PRRC2C: variants seen among roughly 807,000 people sequenced by gnomAD.
The protein encoded by PRRC2C is proline rich coiled-coil 2C.
Under a neutral mutation model 317.2 loss-of-function variants are expected in PRRC2C, and 72 were observed. The ratio of observed to expected loss-of-function variants is 0.23; its 90% CI spans 0.19 to 0.28. The LOEUF (loss-of-function observed/expected upper bound fraction) is 0.28. Among genes scored for constraint, PRRC2C ranks in the 10% least tolerant of loss-of-function variants. The probability of loss-of-function intolerance (pLI) is 1.00; values close to 1 mark genes in which losing one functional copy is unlikely to be tolerated. For missense variants in PRRC2C, 3,074 were observed against 3,459.7 expected (o/e 0.89, Z 2.80); for synonymous variants, 1,296 against 1,205.9 (o/e 1.07, Z -1.55).
chr1:171,578,643 A>G (rs1042869864), intron 26 of PRRC2C, among the ~76,000 whole-genome samples: 1 of 152,198 alleles, frequency 6.6e-6, no homozygotes, highest in Non-Finnish European at 1.5e-5. Flanking sequence ...TGAGGCGGGC[A>G]GATCAGTTGA....
In PRRC2C at chr1:171,541,633, T is replaced by C. The variant is rs1253140419; in HGVS notation, c.4167T>C (p.Asp1389=). 2 of 1,613,624 alleles carry C rather than the reference T, an allele frequency of 1.2e-6. No homozygotes were observed. Among genetic ancestry groups the C allele is most frequent in the East Asian group, 2.2e-5 (1 of 44,868 alleles). Residue 1389 remains aspartate (D), a synonymous_variant, in exon 16 of 35, where the codon GAT becomes GAC. Coordinates refer to ENST00000647382, the MANE Select transcript of PRRC2C (RefSeq NM_001387844.1). This position sits in a 1 kb window ranked among gnomAD's most constrained non-coding sequence, Gnocchi z 4.1. ...PRQSEVPKPE[D]GEPPRRHEQF... is the part of the protein sequence containing the mutation. ...AGTCAGAAGTTCCTAAACCAGAAGA[T>C]GGAGAGCCGCCAAGAAGACATGAGC...
intron 34 of PRRC2C, chr1:171,591,061 T>G (rs1651311880): frequency 1.8e-6 from 1 of 568,794 alleles, no homozygotes; most frequent in Non-Finnish European, 2.2e-6. Context: ...ACTAAGAAAT[T>G]ATTTACCAGC....
At position 171,584,132 on chromosome 1, in the gene PRRC2C, T is replaced by G; in HGVS notation, c.7586T>G (p.Leu2529Arg). 6.2e-7 allele frequency: 1 copy of G among 1,614,006 alleles called. No homozygotes were observed. The highest frequency in any genetic ancestry group is 8.5e-7 in the Non-Finnish European group (1 of 1,179,876). Reference sequence around the variant, plus strand: ...ATTCCTATATTGTATGAACATCAACTGGGGCAGGCATCAGGACTAGGAGGT... The same window carrying G: ...ATTCCTATATTGTATGAACATCAACGGGGGCAGGCATCAGGACTAGGAGGT... ...QPIPILYEHQLGQASGLGGSQ... is the reference protein window; with the variant it reads ...QPIPILYEHQRGQASGLGGSQ... Residue 2529 changes from leucine (L) to arginine (R), a missense_variant, in exon 29 of 35, where the codon CTG becomes CGG. By Grantham distance (102) the Leu-to-Arg change is moderately radical. Around this residue, in one of 11 missense-constraint regions of PRRC2C, gnomAD observed 490 missense variants for 663.1 expected, o/e 0.74. Coordinates refer to ENST00000647382, the MANE Select transcript of PRRC2C (RefSeq NM_001387844.1).
chr1:171,487,565 TAAAACTA>T (rs1666356785), intron 1 of PRRC2C, among the ~76,000 whole-genome samples: 2 of 152,204 alleles, frequency 1.3e-5, no homozygotes, highest in South Asian at 4.1e-4. Context: ...AGAGATAACT[TAAAACTA>T]ACTCTACCAT....
intron 11 of PRRC2C, among the ~76,000 whole-genome samples, chr1:171,530,457 GC>G (rs1438706296): frequency 7.2e-5 from 11 of 151,830 alleles, no homozygotes; most frequent in African/African-American, 1.9e-4. Context: ...TGTTGCCCAG[GC>G]TAGTCTTGAA....
chr1:171,575,144 T>A lies in PRRC2C; in HGVS notation c.6955+16T>A, dbSNP rs745358325. 15 of 1,598,250 alleles carry A rather than the reference T, an allele frequency of 9.4e-6. No homozygotes were observed. In the East Asian group the frequency reaches 3.1e-4, roughly 33 times the overall value. On this transcript the variant is annotated intron_variant, in intron 25 of 34. Coordinates refer to ENST00000647382, the MANE Select transcript of PRRC2C (RefSeq NM_001387844.1). ...TCACTATCAGGTAGAACTTTTTCGTTCTGTTTCTTTAAATATCTTACATTA... is the reference window on the plus strand; with the variant it reads ...TCACTATCAGGTAGAACTTTTTCGTACTGTTTCTTTAAATATCTTACATTA...
At chr1:171,487,506 A>G (rs182883164) in intron 1 of PRRC2C, among the ~76,000 whole-genome samples, 205 of 152,288 alleles carry the variant, frequency 1.3e-3, no homozygotes, top group Admixed American at 2.5e-3. Flanking sequence ...TCCACTTTGG[A>G]CTTGGGGTAG....
In PRRC2C at chr1:171,524,891, A is replaced by G; in HGVS notation, c.1126A>G (p.Lys376Glu). The change falls in exon 10 of 35, where the codon AAA becomes GAA. Residue 376 changes from lysine to glutamate, a missense_variant. This residue lies in a region of PRRC2C where 1,320 missense variants were observed against 1,395.7 expected (regional missense o/e 0.95). Transcript: ENST00000647382. ...KKETDEVSNTKSSSQIPAQPS... is the reference protein window; with the variant it reads ...KKETDEVSNTESSSQIPAQPS... ...AGAAACAGATGAAGTTTCCAACACT[A>G]AATCATCTTCCCAAATACCTGCCCA... 1 of 1,610,486 alleles carries G rather than the reference A, an allele frequency of 6.2e-7. No individual in the cohort carries two copies. Among genetic ancestry groups the G allele is most frequent in the Non-Finnish European group, 8.5e-7 (1 of 1,178,090 alleles).
At chr1:171,553,956 G>T in intron 18 of PRRC2C, among the ~76,000 whole-genome samples, 1 of 152,192 alleles carries the variant, frequency 6.6e-6, no homozygotes, top group East Asian at 1.9e-4. Flanking sequence ...GATTTGGGGT[G>T]GAGAGTTCTG....
Position 171,542,046 on chromosome 1 carries a change from T to A in PRRC2C, c.4580T>A (p.Val1527Glu). The A allele has an allele frequency of 6.2e-7, 1 of 1,613,644 alleles. No homozygotes were observed. Among genetic ancestry groups the A allele is most frequent in the Middle Eastern group, 1.7e-4 (1 of 6,060 alleles). The change falls in exon 16 of 35, where the codon GTA becomes GAA. Residue 1527 changes from valine (V) to glutamate (E), a missense_variant. By Grantham distance (121) the Val-to-Glu change is moderately radical. Around this residue, in one of 11 missense-constraint regions of PRRC2C, gnomAD observed 178 missense variants for 163.0 expected, o/e 1.09. Transcript: ENST00000647382. ...GCTGACTTGAATGCACAAACAGTTGTAAAGGTTGGAGAGAATGTTCTACCT... is the reference window on the plus strand; with the variant it reads ...GCTGACTTGAATGCACAAACAGTTGAAAAGGTTGGAGAGAATGTTCTACCT... ...KNADLNAQTV[V>E]KVGENVLPPK... is the part of the protein sequence containing the mutation.
chr1:171,584,948 G>A (rs769795557), intron 30 of PRRC2C, among the ~76,000 whole-genome samples: 11 of 151,982 alleles, frequency 7.2e-5, no homozygotes, highest in Non-Finnish European at 1.0e-4. Flanking sequence ...ATTTTTCTTC[G>A]TAGTTTTTGT....
Position 171,545,524 on chromosome 1 carries a change from C to T in PRRC2C, c.4809C>T (p.Ile1603=). Residue 1603 remains isoleucine (I), a synonymous_variant, in exon 17 of 35, where the codon ATC becomes ATT. Coordinates refer to ENST00000647382, the MANE Select transcript of PRRC2C (RefSeq NM_001387844.1). ...QPAGTTGVDL[I]NGSSAHHQEG... is the part of the protein sequence containing the mutation. ...CAGGCACAACTGGGGTTGACCTCAT[C>T]AATGGCAGCTCTGCACACCATCAGG... 1.3e-6 allele frequency: 2 copies of T among 1,589,248 alleles called. No homozygotes were observed. Among genetic ancestry groups the T allele is most frequent in the South Asian group, 1.1e-5 (1 of 87,622 alleles).
At chr1:171,504,816 C>T (rs1669870973) in intron 1 of PRRC2C, among the ~76,000 whole-genome samples, 1 of 152,048 alleles carries the variant, frequency 6.6e-6, no homozygotes, top group Admixed American at 6.6e-5. Flanking sequence ...CTTTTGTCCT[C>T]CAATAAATTT....
intron 2 of PRRC2C, 90 bp downstream of exon 2, chr1:171,512,290 C>A: frequency 1.1e-6 from 1 of 923,528 alleles, no homozygotes; most frequent in Non-Finnish European, 1.7e-6. Context: ...CTAGGATGTA[C>A]CCAAGTTAAT....
At chr1:171,509,222 G>A (rs1355034937) in intron 1 of PRRC2C, among the ~76,000 whole-genome samples, 1 of 152,134 alleles carries the variant, frequency 6.6e-6, no homozygotes, top group Non-Finnish European at 1.5e-5. Context: ...CTCTTATGCT[G>A]GACAGAATGT....
intron 28 of PRRC2C, among the ~76,000 whole-genome samples, chr1:171,580,616 G>C (rs1648345738): frequency 6.6e-6 from 1 of 152,128 alleles, no homozygotes; most frequent in South Asian, 2.1e-4. Context: ...TTAACATGTG[G>C]ATGTTAGGAC....
intron 16 of PRRC2C, 25 bp from the exon 17 acceptor site, chr1:171,545,454 A>G (rs1302370286): frequency 6.5e-7 from 1 of 1,541,390 alleles, no homozygotes; most frequent in Admixed American, 2.0e-5. Context: ...TGGAAATAGT[A>G]ATATCTCAAG....
intron 3 of PRRC2C, among the ~76,000 whole-genome samples, chr1:171,514,289 TG>T (rs369010753): frequency 6.6e-6 from 1 of 150,604 alleles, no homozygotes; most frequent in Non-Finnish European, 1.5e-5. Context: ...TGTGTGTGTG[TG>T]TTTTAAACAA....
rs767334325 is a variant in PRRC2C, at chr1:171,589,433, C to T, written c.8264C>T (p.Ala2755Val). ...VRAPHTNTFPAPVQRPPMALA... is the reference protein window; with the variant it reads ...VRAPHTNTFPVPVQRPPMALA... The stretch of plus-strand genomic sequence containing the variant: ...GCCCCACATACTAACACCTTCCCAG[C>T]GCCTGTTCAGAGGCCACCAATGGCA... Residue 2755 changes from alanine to valine, a missense_variant, in exon 34 of 35, where the codon GCG (alanine) becomes GTG (valine). By Grantham distance (64) the Ala-to-Val change is moderately conservative. Coordinates refer to ENST00000647382, the MANE Select transcript of PRRC2C (RefSeq NM_001387844.1). 23 of 1,289,508 alleles carry T rather than the reference C, an allele frequency of 1.8e-5. No homozygotes were observed. The Admixed American group carries it at 2.8e-4, about 15-fold the overall frequency. 79.9% of individuals were successfully genotyped at this position (1,289,508 alleles called of 1,614,324 possible). A position where few individuals can be genotyped will look rare whatever the true frequency, so the allele number is the denominator to read the frequency against.
Sources: gnomAD v4.1 joint callset for allele counts (sites outside exome capture counted in the v4.1 genomes callset) on GRCh38, gnomAD v4.1.1 for gene constraint, gnomAD v4.1.1 regional missense constraint, Gnocchi (gnomAD v3.1) non-coding constraint, MANE v1.5 for transcripts, NCBI Gene and HGNC (gene_info 2026-07-23, HGNC 2026-07-21) for gene names.